Variants in SYNE1 observed in about 807,000 individuals in gnomAD.
SYNE1 encodes nesprin-1.
SYNE1 carries 616 observed loss-of-function variants against 1,111.0 expected under a neutral mutation model. That is an observed-to-expected ratio of 0.55 (90% CI 0.52 to 0.59). SYNE1 has a LOEUF of 0.59. Among genes scored for constraint, SYNE1 ranks in the 20% least tolerant of loss-of-function variants. SYNE1 has a pLI of 0.00. For synonymous variants in SYNE1, 3,855 were observed against 3,825.8 expected (o/e 1.01, Z -0.28); for missense variants, 10,006 against 10,417.0 (o/e 0.96, Z 1.72).
chr6:152,507,748 GTTC>G (rs1419198462), intron 8 of SYNE1, among the ~76,000 whole-genome samples: 3 of 152,042 alleles, frequency 2.0e-5, no homozygotes, highest in African/African-American at 7.2e-5. Context: ...AAATATAATT[GTTC>G]TTCTTATAAA....
chr6:152,228,507 G>C (rs917330131), intron 115 of SYNE1, among the ~76,000 whole-genome samples: 95 of 152,018 alleles, frequency 6.2e-4, no homozygotes, highest in African/African-American at 2.1e-3. Flanking sequence ...GGCAGAAAAA[G>C]CTATGTTAAA....
chr6:152,450,373 C>A (rs948646811), intron 27 of SYNE1, among the ~76,000 whole-genome samples: 1 of 152,066 alleles, frequency 6.6e-6, no homozygotes. Flanking sequence ...TGAGAAAGGA[C>A]TAATACATAA....
chr6:152,162,999 C>T (rs2062836438), intron 131 of SYNE1, among the ~76,000 whole-genome samples: 1 of 152,010 alleles, frequency 6.6e-6, no homozygotes, highest in Admixed American at 6.6e-5. Flanking sequence ...AGTACATAAA[C>T]TATAAGATTT....
chr6:152,198,360 T>C lies in SYNE1; in HGVS notation c.23145+3464A>G, dbSNP rs919108658. On this transcript the variant is annotated intron_variant, in intron 127 of 145. Coordinates refer to ENST00000367255, the MANE Select transcript of SYNE1 (RefSeq NM_182961.4). ...TGGCTTAAAGGAATGTTGTGGCTGG[T>C]TGGATCTTTTATTCAGACCACTCAA... Among the ~76,000 whole-genome samples the C allele has an allele frequency of 3.3e-5, 5 of 152,284 alleles. No individual in the cohort carries two copies. In the South Asian group the frequency reaches 1.0e-3, roughly 32 times the overall value.
intron 36 of SYNE1, among the ~76,000 whole-genome samples, chr6:152,429,415 G>A (rs1166644134): frequency 6.6e-6 from 1 of 151,956 alleles, no homozygotes; most frequent in Admixed American, 6.6e-5. Flanking sequence ...AATAAGTAAC[G>A]CAAAAGTGTA....
chr6:152,581,896 C>T (rs535646565), intron 3 of SYNE1, among the ~76,000 whole-genome samples: 71 of 152,298 alleles, frequency 4.7e-4, no homozygotes, highest in African/African-American at 1.6e-3. Flanking sequence ...TTCTTGTGAA[C>T]ACTAGATTAA....
At chr6:152,604,456 A>C (rs1363589706) in intron 3 of SYNE1, among the ~76,000 whole-genome samples, 1 of 151,634 alleles carries the variant, frequency 6.6e-6, no homozygotes, top group Non-Finnish European at 1.5e-5. Flanking sequence ...GGTGTGCACC[A>C]CCTCATCTGG....
In SYNE1 at chr6:152,300,780, A is replaced by C. The variant is rs2095126639; in HGVS notation, c.17543T>G (p.Met5848Arg). The change falls in exon 93 of 146, where the codon ATG becomes AGG. Residue 5848 changes from methionine to arginine, a missense_variant and splice_region_variant. Transcript: ENST00000367255. The stretch of plus-strand genomic sequence containing the variant: ...CAAAGTGTGACAGCGACCTGCAGTC[A>C]TCTGCCACGTAAAATGTAGCCCAAA... The part of the protein sequence containing the change: ...TPSAHPSVVM[M>R]TAGRCHTLLS... The C allele has an allele frequency of 1.2e-6, 2 of 1,614,132 alleles. No homozygotes were observed. The highest frequency in any genetic ancestry group is 2.7e-5 in the African/African-American group (2 of 74,946).
intron 126 of SYNE1, among the ~76,000 whole-genome samples, chr6:152,204,256 T>C (rs1455603457): frequency 6.6e-6 from 1 of 151,688 alleles, no homozygotes; most frequent in Non-Finnish European, 1.5e-5. Flanking sequence ...TCCCACCTAC[T>C]TGAGAGGCTG....
At position 152,621,932 on chromosome 6, in the gene SYNE1, T is replaced by A. The variant is rs190460685; in HGVS notation, c.67+6333A>T. 5.3e-3 allele frequency among the ~76,000 whole-genome samples: 804 copies of A among 152,280 alleles called. 9 individuals carry two copies. Among genetic ancestry groups the A allele is most frequent in the Middle Eastern group, 0.02 (6 of 294 alleles). On this transcript the variant is annotated intron_variant, in intron 3 of 145. Transcript: ENST00000367255. ...ATTAAAACAAAAATTCAGATACACA[T>A]TCTTCAAAAAGAGGGCAGGTAAAGT... is the stretch of plus-strand genomic sequence containing the variant.
intron 145 of SYNE1, chr6:152,126,580 T>C (rs1198020251): frequency 6.6e-6 from 1 of 152,212 alleles, no homozygotes; most frequent in Admixed American, 6.5e-5. Flanking sequence ...CAGATAGTTC[T>C]GTCCAGCAAA....
chr6:152,286,972 A>T (rs1454055050), intron 95 of SYNE1, among the ~76,000 whole-genome samples: 1 of 152,272 alleles, frequency 6.6e-6, no homozygotes, highest in Non-Finnish European at 1.5e-5. Flanking sequence ...CGTGGTCCAC[A>T]GAATAATAAC....
intron 71 of SYNE1, 60 bp downstream of exon 71, chr6:152,350,558 G>A (rs2096723417): frequency 1.3e-6 from 2 of 1,580,212 alleles, no homozygotes; most frequent in African/African-American, 1.4e-5. Context: ...AGAGAGAAAG[G>A]AGTCAGGGCC....
Position 152,293,584 on chromosome 6 carries a change from G to C in SYNE1, c.18012+4C>G. On this transcript the variant is annotated splice_donor_region_variant and intron_variant, in intron 95 of 145. Transcript: ENST00000367255. ...TAGGAAACTGAAGTCATGGCTATTT[G>C]TACCTGATGTTCAGCCATCTGGCTT... The C allele has an allele frequency of 6.2e-7, 1 of 1,613,954 alleles. No individual in the cohort carries two copies. Among genetic ancestry groups the C allele is most frequent in the Middle Eastern group, 1.7e-4 (1 of 5,996 alleles).
At chr6:152,561,723 G>T (rs928485299) in intron 3 of SYNE1, among the ~76,000 whole-genome samples, 1 of 152,038 alleles carries the variant, frequency 6.6e-6, no homozygotes, top group African/African-American at 2.4e-5. Flanking sequence ...ACAATACATG[G>T]ATTGGAACAG....
intron 51 of SYNE1, 89 bp from the exon 52 acceptor site, chr6:152,391,657 A>C (rs2097641869): frequency 7.0e-7 from 1 of 1,426,994 alleles, no homozygotes; most frequent in South Asian, 1.4e-5. Flanking sequence ...TTGATATTGG[A>C]GCAGTAACCA....
Position 152,239,560 on chromosome 6 carries a change from C to T in SYNE1, c.20040G>A (p.Arg6680=), listed in dbSNP as rs1267681945. ...ASAVLKRAHK[R]GVELEYILET... The stretch of plus-strand genomic sequence containing the variant: ...CTAGAATGTACTCCAGCTCCACACC[C>T]CTCTTGTGAGCCCGTTTCAGTACAG... The change falls in exon 108 of 146, where the codon AGG becomes AGA. Residue 6680 remains arginine, a synonymous_variant. Transcript: ENST00000367255. The T allele has an allele frequency of 6.2e-7, 1 of 1,614,174 alleles. No individual in the cohort carries two copies.
chr6:152,288,299 G>T (rs1201005872), intron 95 of SYNE1, among the ~76,000 whole-genome samples: 1 of 152,014 alleles, frequency 6.6e-6, no homozygotes, highest in Non-Finnish European at 1.5e-5. Flanking sequence ...TCTCCTCAAA[G>T]TCCTTGTTAG....
chr6:152,207,896 T>C, intron 125 of SYNE1, 76 bp downstream of exon 125: 1 of 1,475,104 alleles, frequency 6.8e-7, no homozygotes, highest in Non-Finnish European at 9.5e-7. Context: ...AGAGTCCTTT[T>C]GAAAAACCGA....
Sources: allele counts gnomAD v4.1 joint callset (sites outside exome capture counted in the v4.1 genomes callset), GRCh38; gene constraint gnomAD v4.1.1; transcripts MANE v1.5; gene names NCBI Gene and HGNC (gene_info 2026-07-23, HGNC 2026-07-21).